CARHSP1: variants seen among roughly 807,000 people sequenced by gnomAD.
The protein encoded by CARHSP1 is calcium-regulated heat-stable protein 1.
A neutral mutation model predicts 12.5 loss-of-function variants in CARHSP1; 14 were observed. The observed-to-expected ratio is 1.12, with a 90% CI of 0.74 to 1.75. CARHSP1 has a LOEUF of 1.75. CARHSP1 is among the 40% of genes most tolerant of loss of function. The probability of loss-of-function intolerance (pLI) is 0.00; values close to 1 mark genes in which losing one functional copy is unlikely to be tolerated. For missense variants in CARHSP1, 343 were observed against 201.6 expected, an observed-to-expected ratio of 1.70 and a Z score of -4.25; for synonymous variants, 161 against 82.0, an observed-to-expected ratio of 1.96 and a Z score of -5.20.
At chr16:8,862,497 TTAAA>T (rs1460661925) in intron 1 of CARHSP1, among the ~76,000 whole-genome samples, 1 of 151,612 alleles carries the variant, frequency 6.6e-6, no homozygotes, top group South Asian at 2.1e-4. Context: ...GAATAAACAG[TTAAA>T]TAAACATAAA....
chr16:8,859,359 G>A (rs1218326757), intron 1 of CARHSP1, 24 bp from the exon 2 acceptor site: 5 of 1,588,002 alleles, frequency 3.1e-6, no homozygotes, highest in South Asian at 1.1e-5. Context: ...AGGCTGTCAG[G>A]GGCTCGTGCC....
chr16:8,854,727 G>T lies in CARHSP1; in HGVS notation c.*437C>A, dbSNP rs139685081. The T allele has an allele frequency of 1.1e-3, 175 of 155,072 alleles. No homozygotes were observed. The highest frequency in any genetic ancestry group is 2.1e-3 in the Non-Finnish European group (146 of 69,692). 9.6% of individuals were successfully genotyped at this position (155,072 alleles called of 1,614,324 possible). On this transcript the variant is annotated 3_prime_UTR_variant, in exon 4 of 4. Transcript: ENST00000311052. ...CACTTAGGTGGAAATTTGCCTTGGA[G>T]AAGTCACGCAAGGTCCCTGTCAGGC...
At chr16:8,864,336 T>C (rs530303538) in intron 1 of CARHSP1, among the ~76,000 whole-genome samples, 44 of 152,288 alleles carry the variant, frequency 2.9e-4, no homozygotes, top group Middle Eastern at 3.4e-3. Context: ...TGGGCACCTG[T>C]GCTGCCACAG....
intron 1 of CARHSP1, among the ~76,000 whole-genome samples, chr16:8,864,677 C>G (rs556863271): frequency 6.6e-6 from 1 of 152,198 alleles, no homozygotes; most frequent in South Asian, 2.1e-4. Context: ...CACCCCCTTC[C>G]CCAGTCAGCC....
In CARHSP1 at chr16:8,855,063, G is replaced by A; in HGVS notation, c.*101C>T. The stretch of plus-strand genomic sequence containing the variant: ...TACTTGAGAGGGACCATGCCCGGCT[G>A]AAGCCCCGTCTCGTGTGGAAGAATG... On this transcript the variant is annotated 3_prime_UTR_variant, in exon 4 of 4. Transcript: ENST00000311052. The A allele has an allele frequency of 9.1e-7, 1 of 1,096,710 alleles. No individual in the cohort carries two copies. Among genetic ancestry groups the A allele is most frequent in the Non-Finnish European group, 1.2e-6 (1 of 808,774 alleles). The allele number at this position is 1,096,710 out of a possible 1,614,324, so 67.9% of individuals were successfully genotyped here.
At chr16:8,855,773 C>T (rs747422433) in intron 3 of CARHSP1, among the ~76,000 whole-genome samples, 12 of 152,176 alleles carry the variant, frequency 7.9e-5, no homozygotes, top group Non-Finnish European at 1.5e-4. Flanking sequence ...CCCCTGGTTC[C>T]AGGAGTCTCA....
chr16:8,860,992 A>G (rs185217660), intron 1 of CARHSP1, among the ~76,000 whole-genome samples: 13 of 150,240 alleles, frequency 8.7e-5, no homozygotes, highest in Admixed American at 4.6e-4. Flanking sequence ...GTGGGTTGCA[A>G]TGAGCCGAGA....
chr16:8,862,637 C>T (rs936180099), intron 1 of CARHSP1, among the ~76,000 whole-genome samples: 3 of 152,132 alleles, frequency 2.0e-5, no homozygotes, highest in African/African-American at 7.2e-5. Flanking sequence ...AAGGGGTAGC[C>T]ATTTGCAAAA....
rs540871040 is a variant in CARHSP1, at chr16:8,852,966, A to T, written c.*2198T>A. On this transcript the variant is annotated 3_prime_UTR_variant, in exon 4 of 4. Coordinates refer to ENST00000311052, the MANE Select transcript of CARHSP1 (RefSeq NM_014316.4). ...ATAGCCTTGCACAAAACAAAAATTT[A>T]TTGGGAGAAAGATGGCTGATGGGAG... 9 of 152,284 alleles carry T rather than the reference A, an allele frequency of 5.9e-5. No individual in the cohort carries two copies. Among genetic ancestry groups the T allele is most frequent in the Admixed American group, 2.6e-4 (4 of 15,296 alleles). 9.4% of individuals were successfully genotyped at this position (152,284 alleles called of 1,614,324 possible). A position where few individuals can be genotyped will look rare whatever the true frequency, so the allele number is the denominator to read the frequency against.
chr16:8,857,770 T>TTTTC (rs1374341167), intron 3 of CARHSP1: 1 of 147,404 alleles, frequency 6.8e-6, no homozygotes, highest in Non-Finnish European at 1.5e-5. Context: ...TTTTTTTTTT[T>TTTTC]TTTTTTTTGA....
At position 8,858,473 on chromosome 16, in the gene CARHSP1, C is replaced by T; in HGVS notation, c.159-1G>A. ...GGGGCCCTGTGAAGCCCGCACCGTC[C>T]TGACAGAGAGGGGGAAATGTCAGGG... On this transcript the variant is annotated splice_acceptor_variant, in intron 2 of 3. Coordinates refer to ENST00000311052, the MANE Select transcript of CARHSP1 (RefSeq NM_014316.4). LOFTEE classifies it high-confidence loss of function. The T allele has an allele frequency of 6.2e-7, 1 of 1,613,424 alleles. No homozygotes were observed. Among genetic ancestry groups the T allele is most frequent in the Non-Finnish European group, 8.5e-7 (1 of 1,179,934 alleles).
At chr16:8,861,711 C>A in intron 1 of CARHSP1, 1 of 1,288,504 alleles carries the variant, frequency 7.8e-7, no homozygotes, top group South Asian at 1.2e-5. Flanking sequence ...GGAGGAACTC[C>A]TGAGTCCGGG....
At chr16:8,864,715 G>C (rs1033025497) in intron 1 of CARHSP1, among the ~76,000 whole-genome samples, 6 of 152,170 alleles carry the variant, frequency 3.9e-5, no homozygotes, top group African/African-American at 1.4e-4. Flanking sequence ...GCCCGGCCAA[G>C]GGAGGGAGCC....
intron 1 of CARHSP1, chr16:8,866,598 G>C (rs1016598949): frequency 1.9e-5 from 5 of 268,408 alleles, no homozygotes; most frequent in African/African-American, 9.2e-5. Context: ...GGCCGAGAAC[G>C]AGCCAGAGGT....
intron 1 of CARHSP1, among the ~76,000 whole-genome samples, chr16:8,863,536 T>C (rs866738287): frequency 6.6e-6 from 1 of 152,194 alleles, no homozygotes; most frequent in Non-Finnish European, 1.5e-5. Flanking sequence ...CACCTGATAG[T>C]GGAAGAAACT....
At chr16:8,861,913 CAGTT>C in intron 1 of CARHSP1, 1 of 669,974 alleles carries the variant, frequency 1.5e-6, no homozygotes, top group Non-Finnish European at 2.1e-6. Context: ...CGCAACTCCA[CAGTT>C]AGAGACACTG....
intron 3 of CARHSP1, among the ~76,000 whole-genome samples, chr16:8,857,268 T>TTGTTTTTTG (rs1295437087): frequency 0.012 from 236 of 20,286 alleles, 28 homozygotes; most frequent in African/African-American, 0.039. Flanking sequence ...GATCTGTTTT[T>TTGTTTTTTG]TTTTTTTTTT....
At chr16:8,860,308 C>A (rs191278829) in intron 1 of CARHSP1, 4 of 983,574 alleles carry the variant, frequency 4.1e-6, no homozygotes, top group Non-Finnish European at 4.8e-6. Context: ...CGGGTCACCA[C>A]GCTGTTATGA....
rs528923195 is a variant in CARHSP1 at position 8,855,754 on chromosome 16, G to C, written c.282-428C>G. On this transcript the variant is annotated intron_variant, in intron 3 of 3. Transcript: ENST00000311052. ...GGGCAGGGCTTTCCTGAGGTCCTCA[G>C]CACTGCAGCCCCTGGTTCCAGGAGT... is the stretch of plus-strand genomic sequence containing the variant. Among the ~76,000 whole-genome samples the C allele has an allele frequency of 1.8e-4, 28 of 152,338 alleles. No individual in the cohort carries two copies. The South Asian group carries it at 5.6e-3, about 30-fold the overall frequency.
Sources: allele counts gnomAD v4.1 joint callset (sites outside exome capture counted in the v4.1 genomes callset), GRCh38; gene constraint gnomAD v4.1.1; transcripts MANE v1.5; gene names NCBI Gene and HGNC (gene_info 2026-07-23, HGNC 2026-07-21).